The following PDE5A variants were observed in gnomAD, a reference collection of about 807,000 sequenced individuals.
PDE5A encodes cGMP-specific 3',5'-cyclic phosphodiesterase.
Under a neutral mutation model 110.2 loss-of-function variants are expected in PDE5A, and 67 were observed. The ratio of observed to expected loss-of-function variants is 0.61; its 90% CI spans 0.50 to 0.75. The LOEUF (loss-of-function observed/expected upper bound fraction) is 0.75. Ranked by LOEUF, PDE5A falls within the 30% of genes least tolerant of loss-of-function variation. The probability of loss-of-function intolerance (pLI) is 0.00; values close to 1 mark genes in which losing one functional copy is unlikely to be tolerated. For synonymous variants in PDE5A, 328 were observed against 351.2 expected (o/e 0.93, Z 0.74); for missense variants, 862 against 1,045.1 (o/e 0.82, Z 2.42).
chr4:119,505,196 T>C (rs1202189145), intron 17 of PDE5A, among the ~76,000 whole-genome samples: 2 of 151,982 alleles, frequency 1.3e-5, no homozygotes, highest in Admixed American at 1.3e-4. Context: ...ATTTAATGCT[T>C]GTATGATTTA....
intron 1 of PDE5A, among the ~76,000 whole-genome samples, chr4:119,614,065 C>T (rs1011285167): frequency 4.0e-5 from 6 of 151,606 alleles, no homozygotes; most frequent in Non-Finnish European, 5.9e-5. Flanking sequence ...CAAATGAAAT[C>T]CTTTACCTCC....
chr4:119,600,284 G>T (rs1324090038), intron 2 of PDE5A, among the ~76,000 whole-genome samples: 1 of 152,090 alleles, frequency 6.6e-6, no homozygotes, highest in African/African-American at 2.4e-5. Context: ...ATCTTTAGTT[G>T]TTGGATGAAA....
At chr4:119,503,209 G>C (rs922247293) in intron 18 of PDE5A, among the ~76,000 whole-genome samples, 2 of 152,058 alleles carry the variant, frequency 1.3e-5, no homozygotes, top group Non-Finnish European at 2.9e-5. Context: ...TAAGCAGCCC[G>C]GAGTCTTGAC....
intron 9 of PDE5A, chr4:119,543,615 G>A (rs1727025550): frequency 6.6e-6 from 1 of 152,208 alleles, no homozygotes; most frequent in African/African-American, 2.4e-5. Flanking sequence ...TAGCTGGTAT[G>A]TGTAGGTCTA....
At chr4:119,509,280 G>A (rs966321075) in intron 15 of PDE5A, among the ~76,000 whole-genome samples, 2 of 152,068 alleles carry the variant, frequency 1.3e-5, no homozygotes, top group African/African-American at 4.8e-5. Flanking sequence ...GGCAGGTCTG[G>A]AGGCTGCTTC....
At chr4:119,524,974 G>T (rs891248059) in intron 12 of PDE5A, among the ~76,000 whole-genome samples, 2 of 151,954 alleles carry the variant, frequency 1.3e-5, no homozygotes, top group African/African-American at 2.4e-5. Context: ...TCACCCATAT[G>T]GGTGACCCTG....
intron 20 of PDE5A, 87 bp from the exon 21 acceptor site, chr4:119,498,825 A>G (rs968528925): frequency 7.2e-7 from 1 of 1,389,828 alleles, no homozygotes; most frequent in African/African-American, 1.4e-5. Flanking sequence ...GCCACATCCC[A>G]CACTCATTTC....
rs1396992502 is a variant in PDE5A, at chr4:119,494,578, C to T, written c.*4023G>A. On this transcript the variant is annotated 3_prime_UTR_variant, in exon 21 of 21. Transcript: ENST00000354960. ...TGAAAGAGTCATCTGAAATGACTCTCGTGATGGAGGAAAGGAAAGTAATGA... is the reference window on the plus strand; with the variant it reads ...TGAAAGAGTCATCTGAAATGACTCTTGTGATGGAGGAAAGGAAAGTAATGA... The T allele has an allele frequency of 2.0e-5, 3 of 152,320 alleles. No individual in the cohort carries two copies. Among genetic ancestry groups the T allele is most frequent in the East Asian group, 1.9e-4 (1 of 5,164 alleles). The allele number at this position is 152,320 out of a possible 1,614,324, so 9.4% of individuals were successfully genotyped here. A position where few individuals can be genotyped will look rare whatever the true frequency, so the allele number is the denominator to read the frequency against.
intron 1 of PDE5A, among the ~76,000 whole-genome samples, chr4:119,608,211 T>C (rs1207962808): frequency 1.3e-5 from 2 of 152,080 alleles, no homozygotes; most frequent in African/African-American, 2.4e-5. Context: ...AGATTATCTA[T>C]GACTATTTTA....
chr4:119,627,858 C>T lies in PDE5A; in HGVS notation c.152+662G>A, dbSNP rs1730416542. ...TCCGCTCCAGGCGGCGCCTCCCCTG[C>T]GCCCTTTGTGTGCACGCCGCAAACC... On this transcript the variant is annotated intron_variant, in intron 1 of 20. Coordinates refer to ENST00000354960, the MANE Select transcript of PDE5A (RefSeq NM_001083.4). The surrounding 1 kb of genome is among the most constrained non-coding windows in gnomAD (Gnocchi z 4.6). 1 of 180,188 alleles carries T rather than the reference C, an allele frequency of 5.5e-6. No individual in the cohort carries two copies. The highest frequency in any genetic ancestry group is 2.4e-5 in the African/African-American group (1 of 42,062). The allele number at this position is 180,188 out of a possible 1,614,324, so 11.2% of individuals were successfully genotyped here. A position where few individuals can be genotyped will look rare whatever the true frequency, so the allele number is the denominator to read the frequency against.
chr4:119,513,826 C>T lies in PDE5A; in HGVS notation c.2001-2692G>A, dbSNP rs185311298. ...TTCAAACACACATTACATTTTTAGA[C>T]GACGCAGAAGGGACTGTTTCACATT... On this transcript the variant is annotated intron_variant, in intron 14 of 20. Coordinates refer to ENST00000354960, the MANE Select transcript of PDE5A (RefSeq NM_001083.4). Among the ~76,000 whole-genome samples, 372 of 152,236 alleles carry T rather than the reference C, an allele frequency of 2.4e-3. 1 individual carries two copies. Among genetic ancestry groups the T allele is most frequent in the Middle Eastern group, 6.8e-3 (2 of 294 alleles).
At chr4:119,577,302 C>G (rs536431457) in intron 3 of PDE5A, among the ~76,000 whole-genome samples, 1 of 152,072 alleles carries the variant, frequency 6.6e-6, no homozygotes, top group Non-Finnish European at 1.5e-5. Context: ...TTCCAAACAA[C>G]AGAAAAAGAG....
chr4:119,517,763 T>C (rs1382856186), intron 14 of PDE5A, among the ~76,000 whole-genome samples: 3 of 151,930 alleles, frequency 2.0e-5, no homozygotes, highest in Non-Finnish European at 4.4e-5. Flanking sequence ...ATACACATAC[T>C]AATAATATTA....
chr4:119,500,207 T>TAA (rs1553922968), intron 20 of PDE5A: 1 of 151,140 alleles, frequency 6.6e-6, no homozygotes. Context: ...AACAAAGGAG[T>TAA]AAACAAGTAG....
At chr4:119,621,660 A>G (rs1044265090) in intron 1 of PDE5A, among the ~76,000 whole-genome samples, 18 of 151,990 alleles carry the variant, frequency 1.2e-4, no homozygotes, top group Non-Finnish European at 2.2e-4. Context: ...ACAGACAGAT[A>G]GATAGTTAGA....
chr4:119,551,969 T>A (rs1578768155), intron 9 of PDE5A: 1 of 152,272 alleles, frequency 6.6e-6, no homozygotes, highest in African/African-American at 2.4e-5. Flanking sequence ...CTACTTAACC[T>A]TTACATAACT....
intron 6 of PDE5A, 31 bp from the exon 7 acceptor site, chr4:119,560,394 A>C: frequency 6.8e-7 from 1 of 1,477,656 alleles, no homozygotes; most frequent in South Asian, 1.3e-5. Context: ...CTGAGAAATA[A>C]GTTTGACAAG....
At chr4:119,503,239 A>G (rs773433572) in intron 18 of PDE5A, among the ~76,000 whole-genome samples, 2 of 152,210 alleles carry the variant, frequency 1.3e-5, no homozygotes, top group Non-Finnish European at 2.9e-5. Context: ...GCTGTCAACA[A>G]TCCTAAATAG....
chr4:119,575,098 C>G (rs748767148), intron 3 of PDE5A, among the ~76,000 whole-genome samples: 25 of 152,084 alleles, frequency 1.6e-4, no homozygotes, highest in Non-Finnish European at 1.9e-4. Flanking sequence ...GATGGAAGAT[C>G]AAATGAATGA....
Sources: allele counts gnomAD v4.1 joint callset (sites outside exome capture counted in the v4.1 genomes callset), GRCh38; gene constraint gnomAD v4.1.1; non-coding constraint Gnocchi (gnomAD v3.1); transcripts MANE v1.5; gene names NCBI Gene and HGNC (gene_info 2026-07-23, HGNC 2026-07-21).